The following NDUFAF7 variants were observed in gnomAD, a reference collection of about 807,000 sequenced individuals.
NDUFAF7 encodes the protein NADH:ubiquinone oxidoreductase complex assembly factor 7.
In NDUFAF7, 48 loss-of-function variants were observed where a neutral mutation model predicts 47.2. That is an observed-to-expected ratio of 1.02 (90% confidence interval 0.81 to 1.29). The LOEUF (loss-of-function observed/expected upper bound fraction) is 1.29. Ranked by LOEUF, NDUFAF7 falls within the 50% of genes most tolerant of loss-of-function variation. The probability of loss-of-function intolerance (pLI) is 0.00; values close to 1 mark genes in which losing one functional copy is unlikely to be tolerated. For synonymous variants in NDUFAF7, 217 were observed against 190.0 expected (o/e 1.14, Z -1.17); for missense variants, 635 against 537.6 (o/e 1.18, Z -1.79).
At chr2:37,256,878 T>G (rs772415461), downstream of NDUFAF7, 2 of 1,614,068 alleles carry the variant, frequency 1.2e-6, no homozygotes, top group Non-Finnish European at 1.7e-6. Context: ...ACAGATCTCC[T>G]GAATGACTTT....
At chr2:37,236,209 A>C (rs200881144) in intron 3 of NDUFAF7, 33 bp downstream of exon 3, 1 of 1,493,600 alleles carries the variant, frequency 6.7e-7, no homozygotes, top group South Asian at 1.1e-5. Flanking sequence ...AATGAAGCTA[A>C]TATAAACATT....
Position 37,243,910 on chromosome 2 carries a change from G to T in NDUFAF7, c.729G>T (p.Gln243His). 2 of 1,614,070 alleles carry T rather than the reference G, an allele frequency of 1.2e-6. No individual in the cohort carries two copies. Among genetic ancestry groups the T allele is most frequent in the Non-Finnish European group, 1.7e-6 (2 of 1,179,988 alleles). The change falls in exon 7 of 10, where the codon CAG becomes CAT. Residue 243 changes from glutamine to histidine, a missense_variant. Gln to His is a conservative substitution (Grantham distance 24). Transcript: ENST00000002125. ...AAGTATTTGTTGACATTGATCCACA[G>T]GTTTCTGATAAACTGAGGTTTGTTT... Reference protein sequence around the residue: ...WREVFVDIDPQVSDKLRFVLA... With the variant: ...WREVFVDIDPHVSDKLRFVLA...
At chr2:37,261,577 T>C in the NDUFAF7 span, among the ~76,000 whole-genome samples, 1 of 152,026 alleles carries the variant, frequency 6.6e-6, no homozygotes, top group Non-Finnish European at 1.5e-5. Flanking sequence ...GATCGGGAGT[T>C]CGAGACCAGC....
chr2:37,243,800 G>T, intron 6 of NDUFAF7, 63 bp from the exon 7 acceptor site: 2 of 1,206,534 alleles, frequency 1.7e-6, no homozygotes, highest in Non-Finnish European at 1.2e-6. Context: ...AGCTATTTTT[G>T]GTAGAAGCAA....
downstream of NDUFAF7, among the ~76,000 whole-genome samples, chr2:37,258,080 G>A (rs1351378103): frequency 6.6e-6 from 1 of 152,126 alleles, no homozygotes; most frequent in Non-Finnish European, 1.5e-5. Flanking sequence ...ACAAGCAAAT[G>A]CCAGGTACTT....
the NDUFAF7 span, chr2:37,269,310 G>A: frequency 1.5e-5 from 5 of 344,108 alleles, no homozygotes; most frequent in Admixed American, 3.9e-5. Context: ...AGCCCACTCA[G>A]CCCAACATAA....
the NDUFAF7 span, chr2:37,259,774 A>G: frequency 4.7e-6 from 4 of 846,418 alleles, no homozygotes; most frequent in Admixed American, 2.3e-5. Flanking sequence ...AAACTCCACT[A>G]TAGTTCATCA....
At chr2:37,232,947 T>A (rs1558486263) in intron 2 of NDUFAF7, among the ~76,000 whole-genome samples, 1 of 152,222 alleles carries the variant, frequency 6.6e-6, no homozygotes, top group Non-Finnish European at 1.5e-5. Flanking sequence ...TGGGGTTAGA[T>A]TGGCCATTGT....
chr2:37,266,590 G>A, the NDUFAF7 span, among the ~76,000 whole-genome samples: 8 of 151,914 alleles, frequency 5.3e-5, no homozygotes, highest in Admixed American at 3.3e-4. Flanking sequence ...AGGTTCAAGC[G>A]ATTCTCCTGC....
the NDUFAF7 span, among the ~76,000 whole-genome samples, chr2:37,259,109 G>C: frequency 6.6e-6 from 1 of 152,080 alleles, no homozygotes; most frequent in Non-Finnish European, 1.5e-5. Flanking sequence ...ATGTAGCCAG[G>C]ACACAGAAGC....
chr2:37,260,929 T>TA, the NDUFAF7 span, among the ~76,000 whole-genome samples: 1 of 152,242 alleles, frequency 6.6e-6, no homozygotes, highest in Non-Finnish European at 1.5e-5. Context: ...GGGTTGGAGA[T>TA]ACACAAAGAT....
At chr2:37,254,122 T>TAG, downstream of NDUFAF7, 6 of 980,408 alleles carry the variant, frequency 6.1e-6, no homozygotes, top group South Asian at 7.8e-5. Flanking sequence ...CTGCTGATCT[T>TAG]AGAGTGGTCT....
At chr2:37,244,786 A>G (rs1311722778) in intron 7 of NDUFAF7, among the ~76,000 whole-genome samples, 1 of 152,208 alleles carries the variant, frequency 6.6e-6, no homozygotes, top group Admixed American at 6.5e-5. Flanking sequence ...CAGACTGAAC[A>G]CTTATGAACA....
the NDUFAF7 span, among the ~76,000 whole-genome samples, chr2:37,259,859 T>G: frequency 6.6e-6 from 1 of 152,200 alleles, no homozygotes; most frequent in East Asian, 1.9e-4. Context: ...GTAAAAGTAC[T>G]GCTATTTAAT....
intron 4 of NDUFAF7, among the ~76,000 whole-genome samples, chr2:37,239,113 T>C (rs988232360): frequency 1.3e-5 from 2 of 149,564 alleles, no homozygotes; most frequent in Non-Finnish European, 3.0e-5. Flanking sequence ...TCCTTTTTTC[T>C]TTCTCTTTTT....
the NDUFAF7 span, among the ~76,000 whole-genome samples, chr2:37,267,243 A>G: frequency 6.6e-6 from 1 of 152,086 alleles, no homozygotes; most frequent in East Asian, 1.9e-4. Context: ...ACTTTTTTAA[A>G]AAAGATTTTA....
chr2:37,256,512 A>G (rs1357758639), downstream of NDUFAF7: 5 of 1,078,668 alleles, frequency 4.6e-6, no homozygotes, highest in African/African-American at 8.1e-5. Flanking sequence ...GTGCTCAAAA[A>G]ACTGGTAACT....
intron 2 of NDUFAF7, among the ~76,000 whole-genome samples, chr2:37,235,287 G>T (rs907541968): frequency 6.6e-6 from 1 of 151,840 alleles, no homozygotes; most frequent in African/African-American, 2.4e-5. Context: ...TTTTTCTGGA[G>T]ATATAATATT....
chr2:37,257,482 G>A (rs1244135868), downstream of NDUFAF7, among the ~76,000 whole-genome samples: 7 of 151,840 alleles, frequency 4.6e-5, no homozygotes, highest in South Asian at 8.3e-4. Flanking sequence ...TGGCTAATGC[G>A]GTGAAACCCC....
Sources: gnomAD v4.1 joint callset for allele counts (sites outside exome capture counted in the v4.1 genomes callset) on GRCh38, gnomAD v4.1.1 for gene constraint, MANE v1.5 for transcripts, NCBI Gene and HGNC (gene_info 2026-07-23, HGNC 2026-07-21) for gene names.